The following ZCCHC7 variants were observed in gnomAD, a reference collection of about 807,000 sequenced individuals.
The protein encoded by ZCCHC7 is zinc finger CCHC-type containing 7.
ZCCHC7 carries 35 observed loss-of-function variants against 52.0 expected under a neutral mutation model. The ratio of observed to expected loss-of-function variants is 0.67; its 90% CI spans 0.51 to 0.89. The LOEUF (loss-of-function observed/expected upper bound fraction) is 0.89. Ranked by LOEUF, ZCCHC7 falls within the 40% of genes least tolerant of loss-of-function variation. ZCCHC7 has a pLI of 0.00. For synonymous variants in ZCCHC7, 217 were observed against 221.5 expected (o/e 0.98, Z 0.18); for missense variants, 574 against 649.1 (o/e 0.88, Z 1.26).
chr9:37,284,622 TA>T (rs1213420999), intron 2 of ZCCHC7, among the ~76,000 whole-genome samples: 1 of 152,180 alleles, frequency 6.6e-6, no homozygotes, highest in African/African-American at 2.4e-5. Context: ...ATTTTTATAT[TA>T]CCTCTGCAGG....
intron 6 of ZCCHC7, among the ~76,000 whole-genome samples, chr9:37,330,726 G>A (rs1264154012): frequency 1.3e-5 from 2 of 151,132 alleles, no homozygotes; most frequent in African/African-American, 2.4e-5. Context: ...GACTTTTAAT[G>A]TTCTTTTTCA....
chr9:37,146,239 C>T (rs764385393), intron 2 of ZCCHC7, among the ~76,000 whole-genome samples: 20 of 151,740 alleles, frequency 1.3e-4, no homozygotes, highest in Admixed American at 9.2e-4. Context: ...AAAAATTTGA[C>T]GATCCCAATA....
chr9:37,308,770 A>G (rs1999993), intron 5 of ZCCHC7, among the ~76,000 whole-genome samples: 44,620 of 151,786 alleles, frequency 0.29, 7,918 homozygotes, highest in Admixed American at 0.42. Context: ...CACGAGGTCA[A>G]GAGATCGAGA....
At chr9:37,337,065 G>A in intron 6 of ZCCHC7, among the ~76,000 whole-genome samples, 1 of 152,236 alleles carries the variant, frequency 6.6e-6, no homozygotes, top group South Asian at 2.1e-4. Context: ...AGGGCACAAA[G>A]CCTGGCTGAT....
rs76785363 is a variant in ZCCHC7, at chr9:37,186,562, C to A, written c.610+59620C>A. On this transcript the variant is annotated intron_variant, in intron 2 of 8. Transcript: ENST00000336755. ...ATACTGTTTAATCTTTAGGGTGTTA[C>A]AAACACATCAAGGACAGTTGGCAGT... The A allele has an allele frequency of 7.0e-3, 2,589 of 368,636 alleles. 82 individuals are homozygous for A. Among genetic ancestry groups the A allele is most frequent in the East Asian group, 0.06 (1,551 of 25,786 alleles). The allele number at this position is 368,636 out of a possible 1,614,324, so 22.8% of individuals were successfully genotyped here.
At chr9:37,326,433 A>C (rs1830242414) in intron 5 of ZCCHC7, among the ~76,000 whole-genome samples, 1 of 151,466 alleles carries the variant, frequency 6.6e-6, no homozygotes, top group Non-Finnish European at 1.5e-5. Context: ...ATTTGATATT[A>C]AAACTGGAAA....
chr9:37,130,991 A>G (rs1842755669), intron 2 of ZCCHC7, among the ~76,000 whole-genome samples: 1 of 152,122 alleles, frequency 6.6e-6, no homozygotes, highest in Non-Finnish European at 1.5e-5. Flanking sequence ...CTACCTCTTT[A>G]TCTGTGAAAA....
chr9:37,317,349 A>G (rs756130986), intron 5 of ZCCHC7, among the ~76,000 whole-genome samples: 26 of 152,254 alleles, frequency 1.7e-4, no homozygotes, highest in Admixed American at 3.3e-4. Context: ...ATTAGCAACA[A>G]TGAACAGTGA....
At chr9:37,229,209 T>A (rs1191494961) in intron 2 of ZCCHC7, among the ~76,000 whole-genome samples, 1 of 152,108 alleles carries the variant, frequency 6.6e-6, no homozygotes, top group East Asian at 1.9e-4. Context: ...TATAAATGGC[T>A]CAAAAAGCCA....
chr9:37,131,506 A>C (rs535645081), intron 2 of ZCCHC7, among the ~76,000 whole-genome samples: 3 of 151,730 alleles, frequency 2.0e-5, no homozygotes, highest in Non-Finnish European at 4.4e-5. Flanking sequence ...TTAGCCGGGC[A>C]TTCTGGCAAG....
In ZCCHC7 at chr9:37,354,630, T is replaced by C. The variant is rs1411755898; in HGVS notation, c.1084-80T>C. ...CCAGTGACATGGGGCTCATTTCTAA[T>C]TAACATGCTCCAGAATCTTGCAAAA... is the stretch of plus-strand genomic sequence containing the variant. On this transcript the variant is annotated intron_variant, in intron 7 of 8. Transcript: ENST00000336755. This position sits in a 1 kb window ranked among gnomAD's most constrained non-coding sequence, Gnocchi z 4.0. The C allele has an allele frequency of 3.0e-6, 3 of 999,188 alleles. No individual in the cohort carries two copies. In the African/African-American group the frequency reaches 4.8e-5, roughly 16 times the overall value. The allele number at this position is 999,188 out of a possible 1,614,324, so 61.9% of individuals were successfully genotyped here.
At chr9:37,336,892 T>C (rs2118383044) in intron 6 of ZCCHC7, among the ~76,000 whole-genome samples, 1 of 152,262 alleles carries the variant, frequency 6.6e-6, no homozygotes, top group East Asian at 1.9e-4. Flanking sequence ...ACTAAATGGT[T>C]TCTTTGTAAA....
intron 8 of ZCCHC7, among the ~76,000 whole-genome samples, chr9:37,355,535 T>C (rs1051064566): frequency 7.2e-5 from 11 of 152,208 alleles, no homozygotes; most frequent in African/African-American, 2.2e-4. Flanking sequence ...GTACTAATTC[T>C]GAGGAAAATA....
At chr9:37,248,634 G>A (rs1406633109) in intron 2 of ZCCHC7, among the ~76,000 whole-genome samples, 2 of 152,124 alleles carry the variant, frequency 1.3e-5, no homozygotes, top group African/African-American at 4.8e-5. Context: ...GATACCTACT[G>A]CCTATAGCTG....
chr9:37,121,866 C>T (rs947583504), intron 1 of ZCCHC7, among the ~76,000 whole-genome samples: 1 of 152,172 alleles, frequency 6.6e-6, no homozygotes, highest in African/African-American at 2.4e-5. Flanking sequence ...TTGTTTTACA[C>T]ATTTGGATTC....
chr9:37,178,232 T>G (rs779486962), intron 2 of ZCCHC7, among the ~76,000 whole-genome samples: 2 of 152,070 alleles, frequency 1.3e-5, no homozygotes, highest in Non-Finnish European at 2.9e-5. Flanking sequence ...GATATGTCAG[T>G]CCAAATTTAT....
chr9:37,226,807 G>A lies in ZCCHC7; in HGVS notation c.611-75381G>A, dbSNP rs370626825. Among the ~76,000 whole-genome samples, 35 of 152,230 alleles carry A rather than the reference G, an allele frequency of 2.3e-4. No homozygotes were observed. The East Asian group carries it at 3.7e-3, about 16-fold the overall frequency. On this transcript the variant is annotated intron_variant, in intron 2 of 8. Transcript: ENST00000336755. ...GCACTTTGAGACACCGAGGCGGGTG[G>A]ATCACGAGCTCAGGAGATCGAGACC...
At chr9:37,332,214 A>G (rs1830476034) in intron 6 of ZCCHC7, among the ~76,000 whole-genome samples, 1 of 151,632 alleles carries the variant, frequency 6.6e-6, no homozygotes, top group Non-Finnish European at 1.5e-5. Context: ...CTAAAATACT[A>G]CTGAGGTGAA....
intron 2 of ZCCHC7, among the ~76,000 whole-genome samples, chr9:37,265,871 A>G (rs748842290): frequency 6.6e-6 from 1 of 152,064 alleles, no homozygotes; most frequent in African/African-American, 2.4e-5. Flanking sequence ...GCACTCCTTC[A>G]CATGAGCCAA....
Sources: gnomAD v4.1 joint callset for allele counts (sites outside exome capture counted in the v4.1 genomes callset) on GRCh38, gnomAD v4.1.1 for gene constraint, Gnocchi (gnomAD v3.1) non-coding constraint, MANE v1.5 for transcripts, NCBI Gene and HGNC (gene_info 2026-07-23, HGNC 2026-07-21) for gene names.